The following HAUS1 variants were observed in gnomAD, a reference collection of about 807,000 sequenced individuals.
HAUS1 encodes the protein HAUS augmin like complex subunit 1, also known as HAUS augmin-like complex subunit 1.
A neutral mutation model predicts 38.6 loss-of-function variants in HAUS1; 25 were observed. That is an observed-to-expected ratio of 0.65 (90% CI 0.47 to 0.91). The LOEUF (loss-of-function observed/expected upper bound fraction) is 0.91. Among genes scored for constraint, HAUS1 ranks in the 40% least tolerant of loss-of-function variants. The pLI, the probability that HAUS1 is intolerant of heterozygous loss-of-function variation, is 0.00. For missense variants in HAUS1, 325 were observed against 328.4 expected (o/e 0.99, Z 0.08); for synonymous variants, 109 against 112.9 (o/e 0.97, Z 0.22).
At chr18:46,119,802 C>A in intron 3 of HAUS1, 124 bp from the exon 4 acceptor site, 2 of 763,154 alleles carry the variant, frequency 2.6e-6, no homozygotes, top group Non-Finnish European at 4.0e-6. Flanking sequence ...TAAAAAAAGG[C>A]ATAAAGGTAT....
intron 2 of HAUS1, among the ~76,000 whole-genome samples, chr18:46,111,882 TTTC>T (rs999301545): frequency 4.8e-5 from 7 of 144,994 alleles, no homozygotes; most frequent in Non-Finnish European, 8.9e-5. Flanking sequence ...TTTCTTTTCT[TTTC>T]TTTTTTTTTT....
chr18:46,118,640 T>A (rs182675968), intron 3 of HAUS1, among the ~76,000 whole-genome samples: 282 of 152,294 alleles, frequency 1.9e-3, no homozygotes, highest in Middle Eastern at 6.8e-3. Flanking sequence ...TAAATTTTGG[T>A]TATGTCTACC....
In HAUS1 at chr18:46,123,360, C is replaced by A; in HGVS notation, c.662C>A (p.Ser221Ter). The A allele has an allele frequency of 6.3e-7, 1 of 1,598,958 alleles. No individual in the cohort carries two copies. Among genetic ancestry groups the A allele is most frequent in the Non-Finnish European group, 8.5e-7 (1 of 1,170,140 alleles). ...SLSHQSLVAL[S>*]EKLARLKQQT... ...TCTCATCAGTCCTTAGTAGCACTAT[C>A]AGAGGTGAGCTTATTTTAACCTAAT... The change falls in exon 6 of 9, where the codon TCA (serine) becomes TAA (stop). Residue 221 changes from serine to a stop codon, truncating the protein, a stop_gained. Coordinates refer to ENST00000282058, the MANE Select transcript of HAUS1 (RefSeq NM_138443.4). LOFTEE classifies it high-confidence loss of function.
intron 3 of HAUS1, 132 bp downstream of exon 3, chr18:46,118,448 CT>C: frequency 1.3e-6 from 1 of 746,610 alleles, no homozygotes; most frequent in Non-Finnish European, 2.2e-6. Context: ...TACTTCATGT[CT>C]TTGCCAGTGA....
At chr18:46,114,066 G>A (rs984639747) in intron 2 of HAUS1, among the ~76,000 whole-genome samples, 2 of 152,146 alleles carry the variant, frequency 1.3e-5, no homozygotes, top group East Asian at 1.9e-4. Flanking sequence ...TGCTCTACGA[G>A]CAATTCCAAT....
intron 7 of HAUS1, among the ~76,000 whole-genome samples, chr18:46,125,491 G>A (rs1912075912): frequency 6.6e-6 from 1 of 150,644 alleles, no homozygotes. Context: ...AGGCTGCAGT[G>A]AGCTGAGATT....
chr18:46,119,335 TCAG>T (rs10532354), intron 3 of HAUS1, among the ~76,000 whole-genome samples: 24,276 of 151,956 alleles, frequency 0.16, 2,702 homozygotes, highest in East Asian at 0.39. Context: ...TTAAATAAGT[TCAG>T]CAGATAACAA....
intron 5 of HAUS1, among the ~76,000 whole-genome samples, chr18:46,122,855 G>A (rs1290031542): frequency 6.6e-6 from 1 of 152,148 alleles, no homozygotes; most frequent in Non-Finnish European, 1.5e-5. Context: ...ACGTACAAAT[G>A]CTTAGATACA....
intron 2 of HAUS1, among the ~76,000 whole-genome samples, chr18:46,116,137 AAAAGGAAAGAAAGAAAGGGAAG>A (rs1911790505): frequency 6.6e-6 from 1 of 152,058 alleles, no homozygotes; most frequent in South Asian, 2.1e-4. Flanking sequence ...GGGAGGGGGA[AAAAGGAAAGAAAGAAAGGGAAG>A]AAAGGAAAGA....
chr18:46,118,554 G>T, intron 3 of HAUS1: 1 of 454,520 alleles, frequency 2.2e-6, no homozygotes, highest in Non-Finnish European at 4.0e-6. Flanking sequence ...ATGTATATTT[G>T]GAAAGGGGTT....
intron 2 of HAUS1, among the ~76,000 whole-genome samples, chr18:46,106,221 A>C (rs926079019): frequency 1.3e-5 from 2 of 152,236 alleles, no homozygotes; most frequent in African/African-American, 2.4e-5. Flanking sequence ...CTGTAATCCC[A>C]GCACTTTGGG....
intron 4 of HAUS1, 25 bp from the exon 5 acceptor site, chr18:46,122,442 A>G (rs539792468): frequency 1.9e-6 from 3 of 1,608,446 alleles, no homozygotes; most frequent in Non-Finnish European, 1.7e-6. Flanking sequence ...GAAGAAGAAA[A>G]TGTTTTTAAT....
chr18:46,114,278 G>C (rs1010302170), intron 2 of HAUS1, among the ~76,000 whole-genome samples: 1 of 152,178 alleles, frequency 6.6e-6, no homozygotes, highest in Non-Finnish European at 1.5e-5. Context: ...TCTAAGCTCT[G>C]TTGCAAATGT....
chr18:46,120,425 G>A (rs1194285080), intron 4 of HAUS1, among the ~76,000 whole-genome samples: 1 of 151,698 alleles, frequency 6.6e-6, no homozygotes, highest in Non-Finnish European at 1.5e-5. Flanking sequence ...GTAGAGACGG[G>A]GTTTCTCCAT....
chr18:46,125,505 C>T (rs1369851521), intron 7 of HAUS1, among the ~76,000 whole-genome samples: 1 of 150,758 alleles, frequency 6.6e-6, no homozygotes, highest in Non-Finnish European at 1.5e-5. Context: ...TGAGATTGAG[C>T]CACTGCACTC....
chr18:46,113,695 G>A (rs975222043), intron 2 of HAUS1, among the ~76,000 whole-genome samples: 1 of 152,202 alleles, frequency 6.6e-6, no homozygotes, highest in Non-Finnish European at 1.5e-5. Flanking sequence ...TTCTATTACA[G>A]TTCCTGTCTT....
intron 1 of HAUS1, 57 bp from the exon 2 acceptor site, chr18:46,105,137 C>T (rs1395551348): frequency 7.7e-7 from 1 of 1,299,664 alleles, no homozygotes; most frequent in South Asian, 1.4e-5. Context: ...GTCATATTCT[C>T]ATCGAGCCAT....
chr18:46,127,760 G>A (rs1020321058), intron 8 of HAUS1, among the ~76,000 whole-genome samples: 1 of 150,598 alleles, frequency 6.6e-6, no homozygotes, highest in African/African-American at 2.4e-5. Context: ...CATTGTGGAA[G>A]CACATTGTTT....
chr18:46,105,014 T>G (rs1911420223), intron 1 of HAUS1, among the ~76,000 whole-genome samples, 180 bp from the exon 2 acceptor site: 1 of 152,102 alleles, frequency 6.6e-6, no homozygotes, highest in African/African-American at 2.4e-5. Flanking sequence ...TTTGTGTACT[T>G]GCTCACTTTT....
Sources: allele counts gnomAD v4.1 joint callset (sites outside exome capture counted in the v4.1 genomes callset), GRCh38; gene constraint gnomAD v4.1.1; transcripts MANE v1.5; gene names NCBI Gene and HGNC (gene_info 2026-07-23, HGNC 2026-07-21).